Variants in MAGI2 observed in about 807,000 individuals in gnomAD.
MAGI2 encodes membrane associated guanylate kinase, WW and PDZ domain containing 2.
MAGI2 carries 35 observed loss-of-function variants against 133.3 expected under a neutral mutation model. The observed-to-expected ratio is 0.26, with a 90% CI of 0.20 to 0.35. MAGI2 has a LOEUF of 0.35. Ranked by LOEUF, MAGI2 falls within the 10% of genes least tolerant of loss-of-function variation. MAGI2 has a pLI of 1.00. For missense variants in MAGI2, 1,636 were observed against 1,863.4 expected (o/e 0.88, Z 2.25); for synonymous variants, 729 against 710.6 (o/e 1.03, Z -0.41).
intron 1 of MAGI2, among the ~76,000 whole-genome samples, chr7:79,054,779 G>A (rs1365300175): frequency 1.3e-5 from 2 of 152,120 alleles, no homozygotes; most frequent in African/African-American, 4.8e-5. Flanking sequence ...GAGCCACTTT[G>A]TCTTTGGGTC....
chr7:78,462,200 T>C (rs1790133183), intron 6 of MAGI2, among the ~76,000 whole-genome samples: 2 of 152,164 alleles, frequency 1.3e-5, no homozygotes, highest in African/African-American at 4.8e-5. Context: ...CTCTCACAAA[T>C]GTCTCCCATA....
chr7:79,052,641 G>A (rs1463708548), intron 1 of MAGI2, among the ~76,000 whole-genome samples: 9 of 151,942 alleles, frequency 5.9e-5, no homozygotes, highest in Non-Finnish European at 1.0e-4. Context: ...ATATGAAAAC[G>A]AATTAATATT....
intron 16 of MAGI2, among the ~76,000 whole-genome samples, chr7:78,154,177 A>T (rs1824160874): frequency 6.6e-6 from 1 of 152,236 alleles, no homozygotes; most frequent in South Asian, 2.1e-4. Flanking sequence ...GATAAGTTTT[A>T]ATCTCCAAAG....
chr7:78,797,115 T>C (rs1787680448), intron 2 of MAGI2, among the ~76,000 whole-genome samples: 1 of 152,080 alleles, frequency 6.6e-6, no homozygotes, highest in African/African-American at 2.4e-5. Context: ...TATTTCAAAA[T>C]AGCTAGAAGA....
chr7:79,366,919 A>G (rs1842739612), intron 1 of MAGI2, among the ~76,000 whole-genome samples: 1 of 152,212 alleles, frequency 6.6e-6, no homozygotes, highest in Non-Finnish European at 1.5e-5. Flanking sequence ...ATCTTTATTA[A>G]ATATGACAGT....
At chr7:78,316,889 T>A (rs1025706120) in intron 9 of MAGI2, among the ~76,000 whole-genome samples, 1 of 152,190 alleles carries the variant, frequency 6.6e-6, no homozygotes, top group Admixed American at 6.5e-5. Flanking sequence ...GCCAAGTGTT[T>A]TTTTCTCTTT....
intron 2 of MAGI2, among the ~76,000 whole-genome samples, chr7:78,767,758 ACGTG>A (rs1825176431): frequency 6.6e-6 from 1 of 152,230 alleles, no homozygotes; most frequent in Admixed American, 6.5e-5. Flanking sequence ...GTTTTCCTTT[ACGTG>A]CCACAGGCAT....
chr7:78,864,724 AG>A (rs1794416873), intron 2 of MAGI2, among the ~76,000 whole-genome samples: 1 of 152,218 alleles, frequency 6.6e-6, no homozygotes, highest in South Asian at 2.1e-4. Context: ...GTCATAAAGT[AG>A]GATACTAAAC....
Position 79,256,080 on chromosome 7 carries a change from T to C in MAGI2, c.301+196940A>G, listed in dbSNP as rs148152173. The stretch of plus-strand genomic sequence containing the variant: ...GAATGTTGAAAAGGGTCATATAGAT[T>C]AGGAACTAGAAAGAATCACTTGAAT... On this transcript the variant is annotated intron_variant, in intron 1 of 21. Transcript: ENST00000354212. 4.0e-3 allele frequency among the ~76,000 whole-genome samples: 608 copies of C among 152,292 alleles called. 1 individual carries two copies. The highest frequency in any genetic ancestry group is 6.6e-3 in the Non-Finnish European group (449 of 68,022).
intron 6 of MAGI2, among the ~76,000 whole-genome samples, chr7:78,415,697 G>A (rs757407432): frequency 1.6e-4 from 25 of 152,090 alleles, no homozygotes; most frequent in Middle Eastern, 3.2e-3. Context: ...TCACACAGAA[G>A]AGCAAGTAGA....
At chr7:78,613,838 G>A (rs952241763) in intron 3 of MAGI2, among the ~76,000 whole-genome samples, 1 of 152,200 alleles carries the variant, frequency 6.6e-6, no homozygotes, top group African/African-American at 2.4e-5. Context: ...GCCTGGTGCA[G>A]TGGCTCATGC....
chr7:79,393,622 CA>C (rs1483732259), intron 1 of MAGI2, among the ~76,000 whole-genome samples: 2 of 152,162 alleles, frequency 1.3e-5, no homozygotes, highest in African/African-American at 4.8e-5. Context: ...CATTTGGAAG[CA>C]AATTTCTTGC....
At chr7:78,077,403 AATAT>A (rs3084740) in intron 21 of MAGI2, among the ~76,000 whole-genome samples, 20 of 148,678 alleles carry the variant, frequency 1.3e-4, no homozygotes, top group African/African-American at 4.2e-4. Flanking sequence ...GCTTATTGAT[AATAT>A]ATATATATAT....
chr7:78,706,707 C>G (rs1300727753), intron 2 of MAGI2, among the ~76,000 whole-genome samples: 1 of 152,066 alleles, frequency 6.6e-6, no homozygotes, highest in Non-Finnish European at 1.5e-5. Context: ...AACTGGAGAT[C>G]TGTCTAAGAG....
At chr7:79,434,098 T>C (rs1045730179) in intron 1 of MAGI2, among the ~76,000 whole-genome samples, 2 of 151,872 alleles carry the variant, frequency 1.3e-5, no homozygotes, top group Non-Finnish European at 2.9e-5. Context: ...AATCTTATAC[T>C]AGATGAAAAC....
At chr7:79,378,381 G>T (rs986648576) in intron 1 of MAGI2, among the ~76,000 whole-genome samples, 1 of 151,672 alleles carries the variant, frequency 6.6e-6, no homozygotes, top group Non-Finnish European at 1.5e-5. Context: ...CTGCTTTTCC[G>T]ATGAGGACAC....
intron 1 of MAGI2, among the ~76,000 whole-genome samples, chr7:79,379,849 T>G (rs1332201723): frequency 6.6e-6 from 1 of 151,552 alleles, no homozygotes; most frequent in African/African-American, 2.4e-5. Flanking sequence ...TTTTACCCAC[T>G]TGTTGATGGG....
intron 2 of MAGI2, among the ~76,000 whole-genome samples, chr7:78,947,107 C>T (rs1341807920): frequency 6.6e-6 from 1 of 152,002 alleles, no homozygotes; most frequent in Non-Finnish European, 1.5e-5. Context: ...AATTTGCATT[C>T]AGACCATGGA....
intron 19 of MAGI2, among the ~76,000 whole-genome samples, chr7:78,126,318 A>G (rs904586773): frequency 6.6e-6 from 1 of 152,082 alleles, no homozygotes; most frequent in African/African-American, 2.4e-5. Flanking sequence ...ATCAAGTTGG[A>G]ATGTACAAAA....
Sources: gnomAD v4.1 joint callset for allele counts (sites outside exome capture counted in the v4.1 genomes callset) on GRCh38, gnomAD v4.1.1 for gene constraint, MANE v1.5 for transcripts, NCBI Gene and HGNC (gene_info 2026-07-23, HGNC 2026-07-21) for gene names.